Variants in PHF3 observed in about 807,000 individuals in gnomAD.
The protein encoded by PHF3 is PHD finger protein 3.
PHF3 carries 41 observed loss-of-function variants against 178.4 expected under a neutral mutation model. The ratio of observed to expected loss-of-function variants is 0.23; its 90% CI spans 0.18 to 0.30. PHF3 has a LOEUF of 0.30. Among genes scored for constraint, PHF3 ranks in the 10% least tolerant of loss-of-function variants. The probability of loss-of-function intolerance (pLI) is 1.00; values close to 1 mark genes in which losing one functional copy is unlikely to be tolerated. For missense variants in PHF3, 2,346 were observed against 2,398.1 expected (o/e 0.98, Z 0.45); for synonymous variants, 842 against 800.5 (o/e 1.05, Z -0.88).
At chr6:63,636,809 C>A (rs1019543108) in intron 1 of PHF3, 3 of 152,136 alleles carry the variant, frequency 2.0e-5, no homozygotes, top group Admixed American at 1.3e-4. Flanking sequence ...ATTTAATGAA[C>A]CACTTGTCGA....
At chr6:63,693,418 C>A (rs909733083) in intron 5 of PHF3, among the ~76,000 whole-genome samples, 25 of 152,190 alleles carry the variant, frequency 1.6e-4, no homozygotes, top group African/African-American at 5.8e-4. Context: ...GAGTTTGAGA[C>A]CAGCCTGGGC....
At chr6:63,683,865 T>G (rs1244604133) in intron 3 of PHF3, among the ~76,000 whole-genome samples, 2 of 152,098 alleles carry the variant, frequency 1.3e-5, no homozygotes, top group Non-Finnish European at 2.9e-5. Flanking sequence ...TTTCTTTTAA[T>G]AAGGTATAAT....
intron 1 of PHF3, among the ~76,000 whole-genome samples, chr6:63,643,514 T>G (rs1303391833): frequency 6.6e-6 from 1 of 152,108 alleles, no homozygotes; most frequent in African/African-American, 2.4e-5. Flanking sequence ...GGAAATTGTC[T>G]TCTTTGGACT....
chr6:63,669,857 TATA>T (rs781284881), intron 2 of PHF3, among the ~76,000 whole-genome samples: 11 of 152,328 alleles, frequency 7.2e-5, no homozygotes, highest in Non-Finnish European at 1.5e-4. Flanking sequence ...GCTGAATACA[TATA>T]ATAATAATTT....
chr6:63,655,736 T>G (rs1765205251), intron 2 of PHF3, among the ~76,000 whole-genome samples: 1 of 152,172 alleles, frequency 6.6e-6, no homozygotes, highest in Admixed American at 6.5e-5. Context: ...CTCAGTTCGG[T>G]TTGTTTCTTG....
chr6:63,707,266 C>CTT (rs1232871010), intron 13 of PHF3, among the ~76,000 whole-genome samples: 3 of 152,168 alleles, frequency 2.0e-5, no homozygotes, highest in Non-Finnish European at 4.4e-5. Context: ...TTCCCCACTG[C>CTT]TTATGTTTCC....
chr6:63,707,960 G>A (rs575337144), intron 13 of PHF3, among the ~76,000 whole-genome samples: 3 of 151,970 alleles, frequency 2.0e-5, no homozygotes, highest in Admixed American at 6.5e-5. Flanking sequence ...TCTGCCTCCC[G>A]GGTTCAACCA....
At chr6:63,693,895 A>T (rs1013045799) in intron 5 of PHF3, among the ~76,000 whole-genome samples, 1 of 152,232 alleles carries the variant, frequency 6.6e-6, no homozygotes, top group Non-Finnish European at 1.5e-5. Context: ...CCTTGGGTGT[A>T]TAATATTGAA....
At chr6:63,668,638 C>T (rs1765779415) in intron 2 of PHF3, among the ~76,000 whole-genome samples, 1 of 152,080 alleles carries the variant, frequency 6.6e-6, no homozygotes, top group Non-Finnish European at 1.5e-5. Context: ...CTGCACCCGG[C>T]CCTCTTTCCT....
At chr6:63,706,579 T>C in intron 12 of PHF3, 150 bp from the exon 13 acceptor site, 2 of 655,056 alleles carry the variant, frequency 3.1e-6, no homozygotes, top group South Asian at 2.2e-5. Flanking sequence ...TAAATATGAA[T>C]GTAATTTTAT....
At chr6:63,686,072 G>A in intron 4 of PHF3, 161 bp downstream of exon 4, 2 of 565,310 alleles carry the variant, frequency 3.5e-6, no homozygotes, top group South Asian at 2.5e-5. Flanking sequence ...ATAGAAAGAT[G>A]GATCTACTGA....
intron 15 of PHF3, 45 bp downstream of exon 15, chr6:63,711,407 G>A: frequency 1.3e-6 from 2 of 1,489,470 alleles, no homozygotes; most frequent in Non-Finnish European, 9.2e-7. Context: ...AATAACATGG[G>A]AGGTGGGACC....
intron 5 of PHF3, among the ~76,000 whole-genome samples, chr6:63,694,078 G>T (rs1767124811): frequency 6.6e-6 from 1 of 152,154 alleles, no homozygotes; most frequent in Non-Finnish European, 1.5e-5. Context: ...AGGAACATTA[G>T]TAGGATGTGA....
At chr6:63,709,374 T>C (rs1767829268) in intron 14 of PHF3, 134 bp downstream of exon 14, 1 of 647,228 alleles carries the variant, frequency 1.5e-6, no homozygotes, top group African/African-American at 1.9e-5. Flanking sequence ...GTAATATACC[T>C]CACAAAACTG....
In PHF3 at chr6:63,721,010, ATCATTTTCT is replaced by A. The variant is rs1768361133; in HGVS notation, c.*7310_*7318del. The A allele has an allele frequency of 6.4e-7, 1 of 1,551,342 alleles. No individual in the cohort carries two copies. Among genetic ancestry groups the A allele is most frequent in the South Asian group, 1.2e-5 (1 of 84,058 alleles). On this transcript the variant is annotated 3_prime_UTR_variant, in exon 16 of 16. Transcript: ENST00000262043. ...GATTATGGAGACCAATTGCCAGAAA[ATCATTTTCT>A]TCATTTTGAGCTATTCCCATCCATA...
intron 4 of PHF3, 74 bp downstream of exon 4, chr6:63,685,985 A>G: frequency 2.0e-6 from 2 of 1,013,572 alleles, no homozygotes; most frequent in Non-Finnish European, 2.9e-6. Flanking sequence ...GATTAATGTG[A>G]GAATTGTTTT....
At position 63,692,090 on chromosome 6, in the gene PHF3, G is replaced by A. The variant is rs775342217; in HGVS notation, c.2496+47G>A. Reference sequence around the variant, plus strand: ...TATTTTGTTTATTTAAGAGCTTTTTGTATGGACTGACTGCAATAATTTTGA... The same window carrying A: ...TATTTTGTTTATTTAAGAGCTTTTTATATGGACTGACTGCAATAATTTTGA... On this transcript the variant is annotated intron_variant, in intron 5 of 15. Transcript: ENST00000262043. 7 of 1,311,294 alleles carry A rather than the reference G, an allele frequency of 5.3e-6. No individual in the cohort carries two copies. The East Asian group carries it at 1.7e-4, about 32-fold the overall frequency. The allele number at this position is 1,311,294 out of a possible 1,614,324, so 81.2% of individuals were successfully genotyped here.
At position 63,635,870 on chromosome 6, in the gene PHF3, C is replaced by G. The variant is rs569153613; in HGVS notation, c.-306C>G. 1 of 397,526 alleles carries G rather than the reference C, an allele frequency of 2.5e-6. No homozygotes were observed. Among genetic ancestry groups the G allele is most frequent in the Non-Finnish European group, 4.4e-6 (1 of 225,358 alleles). 24.6% of individuals were successfully genotyped at this position (397,526 alleles called of 1,614,324 possible). A position where few individuals can be genotyped will look rare whatever the true frequency, so the allele number is the denominator to read the frequency against. On this transcript the variant is annotated 5_prime_UTR_variant, in exon 1 of 16. Coordinates refer to ENST00000262043, the MANE Select transcript of PHF3 (RefSeq NM_001370348.2). ...CGCCGCACGCCGATGGCTGCGGGGT[C>G]TCGCGCCGTCGCACCGTCCCCACGC...
At chr6:63,649,081 T>A (rs1764911842) in intron 2 of PHF3, among the ~76,000 whole-genome samples, 1 of 122,512 alleles carries the variant, frequency 8.2e-6, no homozygotes, top group African/African-American at 3.1e-5. Context: ...AAAGAAATCT[T>A]ATTTATTTAT....
Sources: allele counts gnomAD v4.1 joint callset (sites outside exome capture counted in the v4.1 genomes callset), GRCh38; gene constraint gnomAD v4.1.1; transcripts MANE v1.5; gene names NCBI Gene and HGNC (gene_info 2026-07-23, HGNC 2026-07-21).